The following TRHDE variants were observed in gnomAD, a reference collection of about 807,000 sequenced individuals.
The protein encoded by TRHDE is thyrotropin-releasing hormone-degrading ectoenzyme.
A neutral mutation model predicts 125.7 loss-of-function variants in TRHDE; 72 were observed. That is an observed-to-expected ratio of 0.57 (90% CI 0.47 to 0.70). The LOEUF is 0.70. Among genes scored for constraint, TRHDE ranks in the 30% least tolerant of loss-of-function variants. The probability of loss-of-function intolerance (pLI) is 0.00; values close to 1 mark genes in which losing one functional copy is unlikely to be tolerated. For synonymous variants in TRHDE, 509 were observed against 509.1 expected, an observed-to-expected ratio of 1.00 and a Z score of 0.00; for missense variants, 1,110 against 1,327.1, an observed-to-expected ratio of 0.84 and a Z score of 2.54.
At position 72,127,417 on chromosome 12, in the gene TRHDE, C is replaced by T. The variant is rs1419067646; in HGVS notation, n.279+21665C>T. ...TTCATTGCAGCACAATTCACAATAGCAAAGACATAAAATCAACCTAGGTGC... is the reference window on the plus strand; with the variant it reads ...TTCATTGCAGCACAATTCACAATAGTAAAGACATAAAATCAACCTAGGTGC... On this transcript the variant is annotated intron_variant and non_coding_transcript_variant, in intron 2 of 4. Transcript: ENST00000548156. 2.6e-5 allele frequency among the ~76,000 whole-genome samples: 4 copies of T among 152,102 alleles called. No individual in the cohort carries two copies. In the East Asian group the frequency reaches 7.7e-4, roughly 29 times the overall value.
chr12:72,379,018 C>T (rs1451227486), intron 3 of TRHDE, among the ~76,000 whole-genome samples: 1 of 152,144 alleles, frequency 6.6e-6, no homozygotes, highest in African/African-American at 2.4e-5. Flanking sequence ...CCTCCTCTTC[C>T]CTTATCTTTC....
chr12:72,127,004 A>G (rs1441174306), intron 2 of TRHDE, among the ~76,000 whole-genome samples: 1 of 152,210 alleles, frequency 6.6e-6, no homozygotes, highest in Non-Finnish European at 1.5e-5. Flanking sequence ...TAAACAAGCA[A>G]AAACCAAATA....
chr12:72,261,272 G>A (rs1276154650), intron 2 of TRHDE, among the ~76,000 whole-genome samples: 1 of 152,092 alleles, frequency 6.6e-6, no homozygotes, highest in East Asian at 1.9e-4. Flanking sequence ...TTCAGTTAAA[G>A]CACTAACTTT....
intron 9 of TRHDE, among the ~76,000 whole-genome samples, chr12:72,566,357 ATCCCCAAACCTTATAGTTAT>A (rs1870443234): frequency 6.6e-6 from 1 of 150,968 alleles, no homozygotes; most frequent in South Asian, 2.1e-4. Context: ...CAAAGTTTGT[ATCCCCAAACCTTATAGTTAT>A]AACTATAAGG....
chr12:72,561,667 G>A (rs1415963534), intron 7 of TRHDE, among the ~76,000 whole-genome samples: 2 of 152,140 alleles, frequency 1.3e-5, no homozygotes, highest in African/African-American at 2.4e-5. Context: ...ATTGTAATAG[G>A]CAGCCTTTCC....
At chr12:72,492,691 G>T (rs929648377) in intron 5 of TRHDE, among the ~76,000 whole-genome samples, 2 of 151,752 alleles carry the variant, frequency 1.3e-5, no homozygotes, top group East Asian at 3.8e-4. Flanking sequence ...CTTCATTCTA[G>T]CCTTGTATAA....
At chr12:72,149,419 G>A (rs945855994) in intron 2 of TRHDE, among the ~76,000 whole-genome samples, 1 of 152,076 alleles carries the variant, frequency 6.6e-6, no homozygotes, top group African/African-American at 2.4e-5. Flanking sequence ...ATCTGGTATT[G>A]CTTAATTATG....
chr12:72,412,839 A>C (rs371270104), intron 3 of TRHDE, among the ~76,000 whole-genome samples: 98 of 152,220 alleles, frequency 6.4e-4, no homozygotes, highest in African/African-American at 2.3e-3. Context: ...CAGCAGAACT[A>C]AATGGTTGTA....
intron 2 of TRHDE, among the ~76,000 whole-genome samples, chr12:72,125,332 C>T (rs891935332): frequency 1.3e-5 from 2 of 151,950 alleles, no homozygotes; most frequent in Non-Finnish European, 2.9e-5. Flanking sequence ...TTTTATTTCA[C>T]TTATGCTTTC....
Position 72,191,903 on chromosome 12 carries a change from A to C in TRHDE, n.279+86151A>C, listed in dbSNP as rs906397805. Among the ~76,000 whole-genome samples, 10 of 152,276 alleles carry C rather than the reference A, an allele frequency of 6.6e-5. No homozygotes were observed. The East Asian group carries it at 1.9e-3, about 29-fold the overall frequency. ...TCCGAAAACAGAATCCTCCCACTGA[A>C]GTTGAGCAGTAGTATAAACATAAGT... is the stretch of plus-strand genomic sequence containing the variant. On this transcript the variant is annotated intron_variant and non_coding_transcript_variant, in intron 2 of 4. Coordinates refer to the TRHDE transcript ENST00000548156.
rs768120030 is a variant in TRHDE, at chr12:72,473,060, A to G, written c.1471-7A>G. ...TTATTTGATGACCATTAATTTTGTTACTGCAGTGGTTTGGTGACCTTGTGA... is the reference window on the plus strand; with the variant it reads ...TTATTTGATGACCATTAATTTTGTTGCTGCAGTGGTTTGGTGACCTTGTGA... On this transcript the variant is annotated splice_region_variant and splice_polypyrimidine_tract_variant and intron_variant, in intron 4 of 18. Transcript: ENST00000261180. 6.2e-7 allele frequency: 1 copy of G among 1,604,958 alleles called. No individual in the cohort carries two copies. The highest frequency in any genetic ancestry group is 1.7e-4 in the Middle Eastern group (1 of 6,046).
At chr12:72,158,691 G>T (rs1876571864) in intron 2 of TRHDE, among the ~76,000 whole-genome samples, 1 of 152,050 alleles carries the variant, frequency 6.6e-6, no homozygotes, top group Admixed American at 6.5e-5. Context: ...CCAGATGTCA[G>T]GTTTTCTTTC....
At chr12:72,508,318 A>G (rs73146942) in intron 6 of TRHDE, among the ~76,000 whole-genome samples, 3,743 of 152,322 alleles carry the variant, frequency 0.025, 74 homozygotes, top group Middle Eastern at 0.044. Flanking sequence ...CCAGACCTTG[A>G]GAGCAGCCAT....
intron 3 of TRHDE, among the ~76,000 whole-genome samples, chr12:72,461,317 T>C (rs1876115699): frequency 6.6e-6 from 1 of 152,194 alleles, no homozygotes; most frequent in Admixed American, 6.5e-5. Context: ...AAAGTTTAAC[T>C]TCTTTGTCAA....
At chr12:72,635,081 A>T (rs1329864447) in intron 15 of TRHDE, among the ~76,000 whole-genome samples, 2 of 151,002 alleles carry the variant, frequency 1.3e-5, no homozygotes, top group Non-Finnish European at 3.0e-5. Flanking sequence ...CGCCACACTG[A>T]CTTCCACAAT....
chr12:72,410,038 A>G lies in TRHDE; in HGVS notation c.1315+31917A>G, dbSNP rs1359649477. 2.0e-5 allele frequency among the ~76,000 whole-genome samples: 3 copies of G among 152,198 alleles called. No individual in the cohort carries two copies. The East Asian group carries it at 5.8e-4, about 29-fold the overall frequency. Reference sequence around the variant, plus strand: ...AAATTTACAAATATCTGTTGAGAATAATCAAGGAATAAGAAAGAATGTACA... The same window carrying G: ...AAATTTACAAATATCTGTTGAGAATGATCAAGGAATAAGAAAGAATGTACA... On this transcript the variant is annotated intron_variant, in intron 3 of 18. Transcript: ENST00000261180.
At chr12:72,409,415 T>G (rs532429806) in intron 3 of TRHDE, among the ~76,000 whole-genome samples, 1 of 152,286 alleles carries the variant, frequency 6.6e-6, no homozygotes, top group South Asian at 2.1e-4. Context: ...TAATATCAGT[T>G]TTTCTGGCTT....
At chr12:72,449,857 A>G (rs1875486534) in intron 3 of TRHDE, among the ~76,000 whole-genome samples, 1 of 151,994 alleles carries the variant, frequency 6.6e-6, no homozygotes, top group African/African-American at 2.4e-5. Flanking sequence ...TAATATAAAA[A>G]TATTACCTCC....
intron 15 of TRHDE, among the ~76,000 whole-genome samples, chr12:72,633,703 C>T (rs1339525661): frequency 1.3e-5 from 2 of 152,036 alleles, no homozygotes; most frequent in Non-Finnish European, 2.9e-5. Context: ...TTTCTAGAAA[C>T]CATATTCTTC....
Sources: gnomAD v4.1 joint callset for allele counts (sites outside exome capture counted in the v4.1 genomes callset) on GRCh38, gnomAD v4.1.1 for gene constraint, MANE v1.5 for transcripts, NCBI Gene and HGNC (gene_info 2026-07-23, HGNC 2026-07-21) for gene names.